AHSP: variants seen among roughly 807,000 people sequenced by gnomAD.
The protein encoded by AHSP is alpha-hemoglobin-stabilizing protein.
AHSP carries 5 observed loss-of-function variants against 2.7 expected under a neutral mutation model. That is an observed-to-expected ratio of 1.86 (90% CI 0.97 to 3.92). AHSP has a LOEUF of 3.92. Among genes scored for constraint, AHSP ranks in the 30% most tolerant of loss-of-function variants. The pLI, the probability that AHSP is intolerant of heterozygous loss-of-function variation, is 0.00. For missense variants in AHSP, 134 were observed against 119.8 expected (o/e 1.12, Z -0.55); for synonymous variants, 50 against 48.4 (o/e 1.03, Z -0.14).
rs372421127 is a variant in AHSP at position 31,528,454 on chromosome 16, C to T, written c.76-4C>T. On this transcript the variant is annotated splice_region_variant and splice_polypyrimidine_tract_variant and intron_variant, in intron 2 of 2. Transcript: ENST00000302312. ...TTGCCAACTGCCTCTCCGCAACCCC[C>T]CAGGTCTTCAATGATCCTCTCGTCT... 25 of 1,613,802 alleles carry T rather than the reference C, an allele frequency of 1.5e-5. No homozygotes were observed. In the African/African-American group the frequency reaches 3.1e-4, roughly 20 times the overall value.
rs1461647255 is a variant in AHSP, at chr16:31,528,617, A to G, written c.235A>G (p.Asn79Asp). ...TCGGCAAGAGCTGAACACTCTGGCC[A>G]ACCCTTTCCTGGCCAAGTACAGGGA... The part of the protein sequence containing the change: ...ELRQELNTLA[N>D]PFLAKYRDFL... Residue 79 changes from asparagine (N) to aspartate (D), a missense_variant, in exon 3 of 3, where the codon AAC (asparagine) becomes GAC (aspartate). By Grantham distance (23) the Asn-to-Asp change is conservative (BLOSUM62 1). Coordinates refer to ENST00000302312, the MANE Select transcript of AHSP (RefSeq NM_016633.4). The G allele has an allele frequency of 6.2e-7, 1 of 1,614,108 alleles. No individual in the cohort carries two copies.
At position 31,528,523 on chromosome 16, in the gene AHSP, C is replaced by G; in HGVS notation, c.141C>G (p.Phe47Leu). The G allele has an allele frequency of 1.2e-6, 2 of 1,614,166 alleles. No homozygotes were observed. Among genetic ancestry groups the G allele is most frequent in the Non-Finnish European group, 1.7e-6 (2 of 1,180,026 alleles). ...CTGTGGTGGAGGACTGGATGAACTT[C>G]TACATCAACTATTACAGGCAGCAGG... ...MVTVVEDWMNFYINYYRQQVT... is the reference protein window; with the variant it reads ...MVTVVEDWMNLYINYYRQQVT... Residue 47 changes from phenylalanine (F) to leucine (L), a missense_variant, in exon 3 of 3, where the codon TTC becomes TTG. Coordinates refer to ENST00000302312, the MANE Select transcript of AHSP (RefSeq NM_016633.4).
At chr16:31,528,409 A>G in intron 2 of AHSP, 49 bp from the exon 3 acceptor site, 2 of 1,530,860 alleles carry the variant, frequency 1.3e-6, no homozygotes, top group Non-Finnish European at 1.8e-6. Context: ...CCCGAATCCC[A>G]TTGCTGACCA....
At chr16:31,528,365 G>A in intron 2 of AHSP, 93 bp from the exon 3 acceptor site, 3 of 1,330,352 alleles carry the variant, frequency 2.3e-6, no homozygotes, top group South Asian at 1.2e-5. Flanking sequence ...GAAAGAGAAT[G>A]TGAGAGTTGG....
intron 2 of AHSP, 52 bp downstream of exon 2, chr16:31,528,266 C>T (rs769129945): frequency 8.4e-6 from 13 of 1,546,612 alleles, no homozygotes; most frequent in South Asian, 4.5e-5. Context: ...TGGGGGGTGC[C>T]GGGGAAGTGG....
Position 31,528,765 on chromosome 16 carries a change from C to A in AHSP, c.*74C>A. On this transcript the variant is annotated 3_prime_UTR_variant, in exon 3 of 3. Coordinates refer to ENST00000302312, the MANE Select transcript of AHSP (RefSeq NM_016633.4). Reference sequence around the variant, plus strand: ...TTAGGCTGTGCTCCTGCCACTCTACCCTGACACCTCAATAAAGACCAGTGC... The same window carrying A: ...TTAGGCTGTGCTCCTGCCACTCTACACTGACACCTCAATAAAGACCAGTGC... The A allele has an allele frequency of 7.6e-7, 1 of 1,313,884 alleles. No individual in the cohort carries two copies. The highest frequency in any genetic ancestry group is 1.3e-5 in the South Asian group (1 of 79,856). 81.4% of individuals were successfully genotyped at this position (1,313,884 alleles called of 1,614,324 possible).
chr16:31,528,338 C>A, intron 2 of AHSP, 120 bp from the exon 3 acceptor site: 1 of 1,294,598 alleles, frequency 7.7e-7, no homozygotes, highest in Non-Finnish European at 1.1e-6. Flanking sequence ...ACGAGAGACA[C>A]GGGATACAAT....
rs1303878601 is a variant in AHSP at position 31,528,767 on chromosome 16, T to C, written c.*76T>C. The C allele has an allele frequency of 3.8e-6, 5 of 1,310,202 alleles. No homozygotes were observed. Among genetic ancestry groups the C allele is most frequent in the Non-Finnish European group, 5.3e-6 (5 of 934,602 alleles). 81.2% of individuals were successfully genotyped at this position (1,310,202 alleles called of 1,614,324 possible). On this transcript the variant is annotated 3_prime_UTR_variant, in exon 3 of 3. Coordinates refer to ENST00000302312, the MANE Select transcript of AHSP (RefSeq NM_016633.4). ...AGGCTGTGCTCCTGCCACTCTACCC[T>C]GACACCTCAATAAAGACCAGTGCTG...
chr16:31,528,267 G>T, intron 2 of AHSP, 53 bp downstream of exon 2: 1 of 1,542,244 alleles, frequency 6.5e-7, no homozygotes. Context: ...GGGGGGTGCC[G>T]GGGAAGTGGA....
Position 31,528,699 on chromosome 16 carries a change from A to T in AHSP, c.*8A>T. 4 of 1,607,960 alleles carry T rather than the reference A, an allele frequency of 2.5e-6. No homozygotes were observed. Among genetic ancestry groups the T allele is most frequent in the Non-Finnish European group, 3.4e-6 (4 of 1,178,260 alleles). Reference sequence around the variant, plus strand: ...CCACCGCCCTCCTCCTAGCTCAGGGACCCAGCCCCTCCTCTCTGAGAAACT... The same window carrying T: ...CCACCGCCCTCCTCCTAGCTCAGGGTCCCAGCCCCTCCTCTCTGAGAAACT... On this transcript the variant is annotated 3_prime_UTR_variant, in exon 3 of 3. Transcript: ENST00000302312.
At position 31,528,796 on chromosome 16, in the gene AHSP, T is replaced by G; in HGVS notation, c.*105T>G. Reference sequence around the variant, plus strand: ...ACCTCAATAAAGACCAGTGCTGGTTTTGTTGGACTTCCTGGCTTCTCTTTC... The same window carrying G: ...ACCTCAATAAAGACCAGTGCTGGTTGTGTTGGACTTCCTGGCTTCTCTTTC... On this transcript the variant is annotated 3_prime_UTR_variant, in exon 3 of 3. Transcript: ENST00000302312. 9.4e-7 allele frequency: 1 copy of G among 1,069,338 alleles called. No individual in the cohort carries two copies. Among genetic ancestry groups the G allele is most frequent in the Non-Finnish European group, 1.4e-6 (1 of 721,584 alleles). 66.2% of individuals were successfully genotyped at this position (1,069,338 alleles called of 1,614,324 possible).
intron 2 of AHSP, 103 bp downstream of exon 2, chr16:31,528,317 T>A (rs2082741081): frequency 7.5e-7 from 1 of 1,341,026 alleles, no homozygotes; most frequent in Admixed American, 1.7e-5. Flanking sequence ...ATGGTGGAGT[T>A]GATGGAAACA....
chr16:31,527,986 T>C, intron 1 of AHSP, 24 bp downstream of exon 1: 3 of 709,106 alleles, frequency 4.2e-6, no homozygotes, highest in Non-Finnish European at 5.1e-6. Context: ...GGGAAAATCG[T>C]GACCTCAGAG....
chr16:31,528,341 G>A (rs1294893743), intron 2 of AHSP, 117 bp from the exon 3 acceptor site: 2 of 1,291,548 alleles, frequency 1.5e-6, no homozygotes, highest in African/African-American at 1.5e-5. Flanking sequence ...AGAGACACGG[G>A]ATACAATGCA....
Position 31,527,918 on chromosome 16 carries a change from C to T in AHSP, c.-49C>T, listed in dbSNP as rs560968958. 5 of 579,186 alleles carry T rather than the reference C, an allele frequency of 8.6e-6. No homozygotes were observed. The Admixed American group carries it at 1.0e-4, about 12-fold the overall frequency. 35.9% of individuals were successfully genotyped at this position (579,186 alleles called of 1,614,324 possible). ...GCTTGGCACAGAGAGATTCACGCAC[C>T]CTCAAGAGTGTGGGTGAGACATATA... On this transcript the variant is annotated 5_prime_UTR_variant, in exon 1 of 3. Transcript: ENST00000302312.
At chr16:31,528,106 T>C in intron 1 of AHSP, 30 bp from the exon 2 acceptor site, 1 of 1,545,098 alleles carries the variant, frequency 6.5e-7, no homozygotes. Flanking sequence ...GGGAAACAGA[T>C]ATGTAAATTC....
At chr16:31,528,427 C>T (rs1373449869) in intron 2 of AHSP, 31 bp from the exon 3 acceptor site, 10 of 1,589,312 alleles carry the variant, frequency 6.3e-6, no homozygotes, top group Non-Finnish European at 7.8e-6. Context: ...CCACATTCTC[C>T]CTTGCCAACT....
Position 31,528,549 on chromosome 16 carries a change from T to G in AHSP, c.167T>G (p.Val56Gly), listed in dbSNP as rs186590045. 2.2e-5 allele frequency: 36 copies of G among 1,614,108 alleles called. No individual in the cohort carries two copies. In the East Asian group the frequency reaches 7.4e-4, roughly 33 times the overall value. The change falls in exon 3 of 3, where the codon GTG becomes GGG. Residue 56 changes from valine to glycine, a missense_variant. Physicochemically the swap from Val to Gly is moderately radical, Grantham distance 109 (BLOSUM62 -3). Transcript: ENST00000302312. ...NFYINYYRQQ[V>G]TGEPQERDKA... The stretch of plus-strand genomic sequence containing the variant: ...TACATCAACTATTACAGGCAGCAGG[T>G]GACAGGGGAGCCCCAAGAGCGAGAC...
At chr16:31,528,354 G>A (rs1485370518) in intron 2 of AHSP, 104 bp from the exon 3 acceptor site, 7 of 1,313,504 alleles carry the variant, frequency 5.3e-6, no homozygotes, top group Non-Finnish European at 6.6e-6. Context: ...ACAATGCAGA[G>A]GAAAGAGAAT....
Sources: allele counts gnomAD v4.1 joint callset, GRCh38; gene constraint gnomAD v4.1.1; transcripts MANE v1.5; gene names NCBI Gene and HGNC (gene_info 2026-07-23, HGNC 2026-07-21).